The following BPNT2 variants were observed in gnomAD, a reference collection of about 807,000 sequenced individuals.
BPNT2 encodes Golgi-resident adenosine 3',5'-bisphosphate 3'-phosphatase.
Under a neutral mutation model 29.3 loss-of-function variants are expected in BPNT2, and 11 were observed. That is an observed-to-expected ratio of 0.38 (90% CI 0.24 to 0.62). The LOEUF is 0.62. Ranked by LOEUF, BPNT2 falls within the 20% of genes least tolerant of loss-of-function variation. The pLI, the probability that BPNT2 is intolerant of heterozygous loss-of-function variation, is 0.62. For synonymous variants in BPNT2, 195 were observed against 187.7 expected, an observed-to-expected ratio of 1.04 and a Z score of -0.32; for missense variants, 459 against 473.4, an observed-to-expected ratio of 0.97 and a Z score of 0.28.
At chr8:56,978,508 A>AG (rs1375978913) in intron 2 of BPNT2, among the ~76,000 whole-genome samples, 1 of 152,152 alleles carries the variant, frequency 6.6e-6, no homozygotes, top group African/African-American at 2.4e-5. Context: ...AGGCCTGAAG[A>AG]AAGAAATACT....
intron 3 of BPNT2, among the ~76,000 whole-genome samples, chr8:56,969,097 T>C (rs1348720184): frequency 1.3e-5 from 2 of 152,152 alleles, no homozygotes; most frequent in Admixed American, 6.5e-5. Flanking sequence ...AAGAGAAAAC[T>C]TCCTCCAAGC....
At chr8:56,971,509 G>A (rs1435099533) in intron 3 of BPNT2, among the ~76,000 whole-genome samples, 4 of 151,628 alleles carry the variant, frequency 2.6e-5, no homozygotes, top group East Asian at 1.9e-4. Context: ...AAAAATTCAC[G>A]GACAAATTAA....
At position 56,963,716 on chromosome 8, in the gene BPNT2, A is replaced by T; in HGVS notation, c.*77T>A. ...ATGGCCTTAACCATGCATAGTCTCC[A>T]CCAATCCTTTGAAGCTTCCAGCATC... On this transcript the variant is annotated 3_prime_UTR_variant, in exon 5 of 5. Transcript: ENST00000262644. 1 of 1,542,142 alleles carries T rather than the reference A, an allele frequency of 6.5e-7. No individual in the cohort carries two copies. The highest frequency in any genetic ancestry group is 8.9e-7 in the Non-Finnish European group (1 of 1,117,418).
intron 3 of BPNT2, among the ~76,000 whole-genome samples, chr8:56,967,503 G>T (rs1805970934): frequency 6.6e-6 from 1 of 152,164 alleles, no homozygotes; most frequent in African/African-American, 2.4e-5. Flanking sequence ...GCTTCACAGA[G>T]GAGTTAAGAG....
chr8:56,971,784 C>CT lies in BPNT2; in HGVS notation c.647-5433_647-5432insA, dbSNP rs1554539117. Among the ~76,000 whole-genome samples the CT allele has an allele frequency of 1.4e-5, 2 of 139,532 alleles. 1 individual carries two copies. Among genetic ancestry groups the CT allele is most frequent in the Non-Finnish European group, 3.2e-5 (2 of 63,386 alleles). The allele number at this position is 139,532 out of a possible 152,430, so 91.5% of individuals were successfully genotyped here. A position where few individuals can be genotyped will look rare whatever the true frequency, so the allele number is the denominator to read the frequency against. On this transcript the variant is annotated intron_variant, in intron 3 of 4. Coordinates refer to ENST00000262644, the MANE Select transcript of BPNT2 (RefSeq NM_017813.5). ...TATTACTGAAATAATTTTGTACCAC[C>CT]CCCCCCCCCACAATGCTACTGTGTG...
intron 2 of BPNT2, among the ~76,000 whole-genome samples, chr8:56,979,302 C>T (rs866815211): frequency 6.6e-6 from 1 of 152,080 alleles, no homozygotes; most frequent in South Asian, 2.1e-4. Context: ...AGTCCCTGCA[C>T]GAGGGATGTG....
chr8:56,986,080 C>T (rs938617874), intron 1 of BPNT2, among the ~76,000 whole-genome samples: 2 of 152,104 alleles, frequency 1.3e-5, no homozygotes, highest in Admixed American at 1.3e-4. Context: ...TGGAGGATGT[C>T]GTTACTACAG....
chr8:56,984,873 C>G (rs567623389), intron 1 of BPNT2, among the ~76,000 whole-genome samples: 11 of 152,166 alleles, frequency 7.2e-5, no homozygotes, highest in Admixed American at 3.3e-4. Flanking sequence ...ATCCCGTAAT[C>G]TCTCTCTTGT....
intron 3 of BPNT2, among the ~76,000 whole-genome samples, chr8:56,969,898 C>G (rs964070366): frequency 2.0e-5 from 3 of 152,124 alleles, no homozygotes; most frequent in Non-Finnish European, 4.4e-5. Flanking sequence ...GTTCTATACT[C>G]TAACTCCTTA....
At chr8:56,988,582 T>C (rs950497954) in intron 1 of BPNT2, among the ~76,000 whole-genome samples, 18 of 152,240 alleles carry the variant, frequency 1.2e-4, no homozygotes, top group African/African-American at 4.1e-4. Context: ...TATCCTTGGT[T>C]CTAGGCCCTG....
At chr8:56,975,474 A>T (rs528975211) in intron 3 of BPNT2, among the ~76,000 whole-genome samples, 162 of 150,724 alleles carry the variant, frequency 1.1e-3, no homozygotes, top group African/African-American at 3.8e-3. Context: ...TTTTTTAATT[A>T]AAAAAAGTCA....
chr8:56,975,058 GTT>G (rs1324008276), intron 3 of BPNT2, among the ~76,000 whole-genome samples: 2 of 152,150 alleles, frequency 1.3e-5, no homozygotes, highest in Non-Finnish European at 2.9e-5. Flanking sequence ...TGAAGCAGGG[GTT>G]TAATGGATAG....
chr8:56,968,988 A>G (rs1244130758), intron 3 of BPNT2, among the ~76,000 whole-genome samples: 1 of 152,214 alleles, frequency 6.6e-6, no homozygotes, highest in Non-Finnish European at 1.5e-5. Flanking sequence ...CAGGGGAGAC[A>G]GAAAGGAGAC....
At chr8:56,985,879 A>G (rs1806319790) in intron 1 of BPNT2, among the ~76,000 whole-genome samples, 1 of 152,252 alleles carries the variant, frequency 6.6e-6, no homozygotes, top group South Asian at 2.1e-4. Flanking sequence ...GTAGATGTAC[A>G]AAATATGGAC....
chr8:56,987,803 A>C (rs112223563), intron 1 of BPNT2, among the ~76,000 whole-genome samples: 10,053 of 144,208 alleles, frequency 0.07, 550 homozygotes, highest in East Asian at 0.28. Context: ...ATCTCGGCTC[A>C]CTGCAAGCTC....
intron 1 of BPNT2, among the ~76,000 whole-genome samples, chr8:56,987,645 C>G (rs146374987): frequency 2.0e-5 from 3 of 152,184 alleles, no homozygotes; most frequent in South Asian, 2.1e-4. Context: ...CTTAATCACA[C>G]GAGCCAATTC....
chr8:56,982,323 G>GT (rs945556220), intron 1 of BPNT2, among the ~76,000 whole-genome samples: 16 of 152,006 alleles, frequency 1.1e-4, no homozygotes, highest in African/African-American at 3.6e-4. Flanking sequence ...AGATTTCACC[G>GT]TGTTGGCCAG....
At chr8:56,980,737 G>A (rs1806225950) in intron 1 of BPNT2, among the ~76,000 whole-genome samples, 1 of 148,524 alleles carries the variant, frequency 6.7e-6, no homozygotes, top group Admixed American at 6.7e-5. Context: ...GTAGAGGAAG[G>A]GTTGTTACGA....
At chr8:56,966,087 C>G in intron 4 of BPNT2, 104 bp downstream of exon 4, 1 of 1,259,658 alleles carries the variant, frequency 7.9e-7, no homozygotes, top group South Asian at 1.2e-5. Flanking sequence ...TACACCACTC[C>G]TCCTCACTTT....
Sources: gnomAD v4.1 joint callset for allele counts (sites outside exome capture counted in the v4.1 genomes callset) on GRCh38, gnomAD v4.1.1 for gene constraint, MANE v1.5 for transcripts, NCBI Gene and HGNC (gene_info 2026-07-23, HGNC 2026-07-21) for gene names.